The following ADAMTS6 variants were observed in gnomAD, a reference collection of about 807,000 sequenced individuals.
ADAMTS6 encodes A disintegrin and metalloproteinase with thrombospondin motifs 6.
Under a neutral mutation model 144.3 loss-of-function variants are expected in ADAMTS6, and 23 were observed. The ratio of observed to expected loss-of-function variants is 0.16; its 90% confidence interval spans 0.11 to 0.23. The LOEUF is 0.23. Ranked by LOEUF, ADAMTS6 falls within the 10% of genes least tolerant of loss-of-function variation. The probability of loss-of-function intolerance (pLI) is 1.00; values close to 1 mark genes in which losing one functional copy is unlikely to be tolerated. For missense variants in ADAMTS6, 999 were observed against 1,379.6 expected (o/e 0.72, Z 4.37); for synonymous variants, 444 against 457.5 (o/e 0.97, Z 0.38).
chr5:65,349,077 C>T (rs996046118), intron 7 of ADAMTS6, among the ~76,000 whole-genome samples: 2 of 152,054 alleles, frequency 1.3e-5, no homozygotes, highest in African/African-American at 2.4e-5. Context: ...AAGTACACAG[C>T]TTATTTTGTC....
At chr5:65,271,118 G>T (rs1195119163) in intron 12 of ADAMTS6, among the ~76,000 whole-genome samples, 1 of 151,900 alleles carries the variant, frequency 6.6e-6, no homozygotes, top group Non-Finnish European at 1.5e-5. Flanking sequence ...GGCTGGGCAC[G>T]GTGGCTCACA....
chr5:65,239,870 C>T (rs1372259834), intron 15 of ADAMTS6, among the ~76,000 whole-genome samples: 2 of 152,164 alleles, frequency 1.3e-5, no homozygotes, highest in Non-Finnish European at 2.9e-5. Context: ...GGATGCACAA[C>T]AAATAGAACC....
At chr5:65,466,462 TTTTA>T (rs1158704123) in intron 3 of ADAMTS6, among the ~76,000 whole-genome samples, 4 of 152,236 alleles carry the variant, frequency 2.6e-5, no homozygotes, top group African/African-American at 9.6e-5. Context: ...GTATTATAGT[TTTTA>T]TTTATTTATC....
chr5:65,421,386 G>T (rs1443479356), intron 7 of ADAMTS6, among the ~76,000 whole-genome samples: 1 of 152,180 alleles, frequency 6.6e-6, no homozygotes, highest in Non-Finnish European at 1.5e-5. Flanking sequence ...TGAGGCTAAA[G>T]ATAGGACCCC....
chr5:65,448,537 C>T lies in ADAMTS6; in HGVS notation c.1073+2938G>A, dbSNP rs186365266. Among the ~76,000 whole-genome samples the T allele has an allele frequency of 1.8e-3, 281 of 152,054 alleles. 2 individuals carry two copies. Among genetic ancestry groups the T allele is most frequent in the Non-Finnish European group, 3.2e-3 (217 of 67,982 alleles). On this transcript the variant is annotated intron_variant, in intron 7 of 24. Coordinates refer to ENST00000381055, the MANE Select transcript of ADAMTS6 (RefSeq NM_197941.4). ...GTGCGATCTAGGCTCACTGCAAGCT[C>T]CACCTCCCGGGTTCATGCCATTCTC...
intron 10 of ADAMTS6, among the ~76,000 whole-genome samples, chr5:65,293,657 A>G (rs1002669904): frequency 6.6e-6 from 1 of 152,144 alleles, no homozygotes; most frequent in African/African-American, 2.4e-5. Flanking sequence ...CAATATATTA[A>G]TATTAGTGGT....
intron 15 of ADAMTS6, among the ~76,000 whole-genome samples, chr5:65,228,261 G>A (rs1757872373): frequency 6.6e-6 from 1 of 152,084 alleles, no homozygotes; most frequent in African/African-American, 2.4e-5. Flanking sequence ...AAGAGAAGCT[G>A]AGTCTTCTGT....
intron 9 of ADAMTS6, among the ~76,000 whole-genome samples, chr5:65,306,745 CATA>C (rs1743974905): frequency 6.6e-6 from 1 of 152,202 alleles, no homozygotes; most frequent in Admixed American, 6.5e-5. Context: ...TTGTGCCAAA[CATA>C]GTAGGTATAA....
At chr5:65,215,187 C>G in intron 19 of ADAMTS6, 137 bp downstream of exon 19, 6 of 1,126,594 alleles carry the variant, frequency 5.3e-6, no homozygotes, top group Non-Finnish European at 7.5e-6. Flanking sequence ...ACAGCTCTAA[C>G]ACCCTTGGGT....
chr5:65,281,497 C>G (rs1355307163), intron 11 of ADAMTS6, among the ~76,000 whole-genome samples: 1 of 151,948 alleles, frequency 6.6e-6, no homozygotes, highest in African/African-American at 2.4e-5. Flanking sequence ...ACTGAACTTC[C>G]AAATGTAATA....
At chr5:65,195,053 A>G (rs185112055) in intron 21 of ADAMTS6, among the ~76,000 whole-genome samples, 4 of 152,318 alleles carry the variant, frequency 2.6e-5, no homozygotes, top group Admixed American at 2.6e-4. Context: ...GCTCACTCAG[A>G]TGCCTTCACA....
chr5:65,335,324 G>T (rs1258886117), intron 7 of ADAMTS6, among the ~76,000 whole-genome samples: 1 of 151,980 alleles, frequency 6.6e-6, no homozygotes, highest in Non-Finnish European at 1.5e-5. Context: ...TTTTGTAATT[G>T]GTAAGCCATG....
chr5:65,376,028 G>A (rs1306722493), intron 7 of ADAMTS6, among the ~76,000 whole-genome samples: 5 of 150,976 alleles, frequency 3.3e-5, no homozygotes, highest in Admixed American at 1.3e-4. Context: ...AACAAAGACC[G>A]CATATTCTCA....
At chr5:65,466,016 T>C (rs1300540021) in intron 3 of ADAMTS6, among the ~76,000 whole-genome samples, 1 of 152,188 alleles carries the variant, frequency 6.6e-6, no homozygotes, top group Non-Finnish European at 1.5e-5. Flanking sequence ...ACATATCCAA[T>C]ATCCTATACA....
At chr5:65,377,593 G>T (rs1160734969) in intron 7 of ADAMTS6, among the ~76,000 whole-genome samples, 1 of 152,100 alleles carries the variant, frequency 6.6e-6, no homozygotes, top group African/African-American at 2.4e-5. Context: ...TTAACACATT[G>T]TTCACTCTAA....
chr5:65,385,746 G>C (rs1242067392), intron 7 of ADAMTS6, among the ~76,000 whole-genome samples: 3 of 152,096 alleles, frequency 2.0e-5, no homozygotes, highest in East Asian at 1.9e-4. Context: ...TCAGATTACA[G>C]AGTATTTTAT....
At chr5:65,418,401 C>G (rs1344701267) in intron 7 of ADAMTS6, among the ~76,000 whole-genome samples, 1 of 149,952 alleles carries the variant, frequency 6.7e-6, no homozygotes, top group Non-Finnish European at 1.5e-5. Flanking sequence ...TTCAAACAAA[C>G]AGCAAAAAAA....
intron 7 of ADAMTS6, among the ~76,000 whole-genome samples, chr5:65,395,873 A>C (rs1753291002): frequency 6.6e-6 from 1 of 152,238 alleles, no homozygotes; most frequent in African/African-American, 2.4e-5. Flanking sequence ...TTAACAATAG[A>C]CTCAATCATA....
chr5:65,350,981 TG>T (rs1748799732), intron 7 of ADAMTS6, among the ~76,000 whole-genome samples: 1 of 152,180 alleles, frequency 6.6e-6, no homozygotes, highest in Non-Finnish European at 1.5e-5. Context: ...ACTCATCCTC[TG>T]GACTTTATGC....
Sources: allele counts gnomAD v4.1 joint callset (sites outside exome capture counted in the v4.1 genomes callset), GRCh38; gene constraint gnomAD v4.1.1; transcripts MANE v1.5; gene names NCBI Gene and HGNC (gene_info 2026-07-23, HGNC 2026-07-21).